Variants in DYM observed in about 807,000 individuals in gnomAD.
The protein encoded by DYM is dymeclin, also known as dyggve-Melchior-Clausen syndrome protein.
DYM carries 78 observed loss-of-function variants against 93.1 expected under a neutral mutation model. The ratio of observed to expected loss-of-function variants is 0.84; its 90% CI spans 0.70 to 1.01. DYM has a LOEUF of 1.01. Ranked by LOEUF, DYM falls within the 50% of genes least tolerant of loss-of-function variation. The pLI is 0.00. For synonymous variants in DYM, 321 were observed against 319.7 expected (o/e 1.00, Z -0.04); for missense variants, 789 against 845.0 (o/e 0.93, Z 0.82).
chr18:49,188,442 G>A (rs1431941549), intron 14 of DYM, among the ~76,000 whole-genome samples: 1 of 152,148 alleles, frequency 6.6e-6, no homozygotes, highest in Non-Finnish European at 1.5e-5. Flanking sequence ...GGGCCTCTAA[G>A]ATCTGGCTGT....
intron 17 of DYM, among the ~76,000 whole-genome samples, chr18:49,052,697 C>T (rs1053140884): frequency 1.3e-5 from 2 of 152,242 alleles, no homozygotes; most frequent in African/African-American, 4.8e-5. Flanking sequence ...CTCCGACATC[C>T]GTCTGGCTCT....
rs774950480 is a variant in DYM at position 49,163,755 on chromosome 18, T to C, written c.1658A>G (p.Lys553Arg). Residue 553 changes from lysine (K) to arginine (R), a missense_variant, in exon 15 of 18, where the codon AAA becomes AGA. By Grantham distance (26) the Lys-to-Arg change is conservative (BLOSUM62 2). Transcript: ENST00000675505. Reference sequence around the variant, plus strand: ...GGACTGTGTGGCTTGTTCCAGAACTTTGTTGTGTTTTTTAGACAGCAAAGA... The same window carrying C: ...GGACTGTGTGGCTTGTTCCAGAACTCTGTTGTGTTTTTTAGACAGCAAAGA... ...LFSLLSKKHN[K>R]VLEQATQSLR... 1 of 1,612,154 alleles carries C rather than the reference T, an allele frequency of 6.2e-7. No homozygotes were observed. Among genetic ancestry groups the C allele is most frequent in the Non-Finnish European group, 8.5e-7 (1 of 1,178,924 alleles).
chr18:49,058,583 G>A (rs964015085), intron 17 of DYM, among the ~76,000 whole-genome samples: 2 of 152,006 alleles, frequency 1.3e-5, no homozygotes, highest in Non-Finnish European at 2.9e-5. Context: ...AAAGTGCTTG[G>A]GTTACAGGTG....
At chr18:49,396,869 T>TC (rs2070161259) in intron 2 of DYM, among the ~76,000 whole-genome samples, 1 of 152,130 alleles carries the variant, frequency 6.6e-6, no homozygotes, top group Non-Finnish European at 1.5e-5. Flanking sequence ...AAAAAGTTGA[T>TC]CCCATAGAGA....
intron 6 of DYM, among the ~76,000 whole-genome samples, chr18:49,335,260 A>C (rs1306619130): frequency 6.6e-6 from 1 of 152,190 alleles, no homozygotes; most frequent in South Asian, 2.1e-4. Flanking sequence ...TTGTAGAACA[A>C]TCTCTTTCCT....
intron 8 of DYM, among the ~76,000 whole-genome samples, chr18:49,287,830 A>G (rs2059766909): frequency 3.0e-4 from 1 of 3,282 alleles, no homozygotes; most frequent in Non-Finnish European, 1.2e-3. Flanking sequence ...CTCCGTCTCA[A>G]AAAAAAAAAA....
rs572273315 is a variant in DYM, at chr18:49,043,713, G to A, written c.*342C>T. On this transcript the variant is annotated 3_prime_UTR_variant, in exon 18 of 18. Transcript: ENST00000675505. ...CACTGTTGAATAGTGTGCACTGTTG[G>A]ATAGTGTGCACTGTTGAAGTGTGAT... 1 of 338,274 alleles carries A rather than the reference G, an allele frequency of 3.0e-6. No homozygotes were observed. Among genetic ancestry groups the A allele is most frequent in the African/African-American group, 2.1e-5 (1 of 47,316 alleles). The allele number at this position is 338,274 out of a possible 1,614,324, so 21.0% of individuals were successfully genotyped here.
intron 8 of DYM, among the ~76,000 whole-genome samples, chr18:49,324,138 CAAAAAAAAAAAAAAAAA>C (rs59640889): frequency 3.7e-4 from 20 of 54,442 alleles, no homozygotes; most frequent in Middle Eastern, 0.043. Context: ...GGCTCTGTCT[CAAAAAAAAAAAAAAAAA>C]AAAAAAAAAA....
At position 49,209,659 on chromosome 18, in the gene DYM, G is replaced by A. The variant is rs150348470; in HGVS notation, c.1517C>T (p.Pro506Leu). Residue 506 changes from proline (P) to leucine (L), a missense_variant, in exon 14 of 18, where the codon CCC (proline) becomes CTC (leucine). Physicochemically the swap from Pro to Leu is moderately conservative, Grantham distance 98. This residue lies in a region of DYM where 225 missense variants were observed against 303.0 expected (regional missense o/e 0.74). Transcript: ENST00000675505. ...CTGAAGCGTAGAACAGTGAGAGTGG[G>A]GGAAATACAGTTTGTCCAACACATA... ...YVYVLDKLYF[P>L]HSHCSTLQHC... 8,476 of 1,289,348 alleles carry A rather than the reference G, an allele frequency of 6.6e-3. 43 individuals carry two copies. The highest frequency in any genetic ancestry group is 7.5e-3 in the Non-Finnish European group (7,414 of 988,652). The allele number at this position is 1,289,348 out of a possible 1,614,324, so 79.9% of individuals were successfully genotyped here.
chr18:49,071,211 C>T (rs1229612105), intron 17 of DYM, among the ~76,000 whole-genome samples: 1 of 152,158 alleles, frequency 6.6e-6, no homozygotes, highest in African/African-American at 2.4e-5. Flanking sequence ...ATGGCAGAGG[C>T]TGCTAGAAAC....
chr18:49,447,479 A>T (rs1045167928), intron 1 of DYM: 1 of 152,262 alleles, frequency 6.6e-6, no homozygotes, highest in Non-Finnish European at 1.5e-5. Flanking sequence ...CAACATTCAT[A>T]AGAACGGTAA....
intron 16 of DYM, among the ~76,000 whole-genome samples, chr18:49,108,897 T>C (rs975887623): frequency 6.6e-6 from 1 of 152,236 alleles, no homozygotes; most frequent in African/African-American, 2.4e-5. Flanking sequence ...CTCTGTTGTA[T>C]ACACATTTAT....
At chr18:49,075,258 TGA>T (rs1180656764) in intron 17 of DYM, among the ~76,000 whole-genome samples, 1 of 152,186 alleles carries the variant, frequency 6.6e-6, no homozygotes, top group African/African-American at 2.4e-5. Flanking sequence ...TCCATCAACA[TGA>T]GTCTCAATAC....
chr18:49,128,748 C>T (rs1212276426), intron 15 of DYM, among the ~76,000 whole-genome samples: 1 of 152,080 alleles, frequency 6.6e-6, no homozygotes. Context: ...TTCAGGGTAA[C>T]TTCAAACTTC....
intron 13 of DYM, among the ~76,000 whole-genome samples, chr18:49,230,910 C>CA (rs2093676151): frequency 6.6e-6 from 1 of 151,612 alleles, no homozygotes; most frequent in Non-Finnish European, 1.5e-5. Context: ...AAGTAAAAGG[C>CA]AAAAAAGAGT....
intron 17 of DYM, among the ~76,000 whole-genome samples, chr18:49,095,447 G>GTTTTTTTT (rs202172264): frequency 7.0e-6 from 1 of 142,480 alleles, no homozygotes; most frequent in East Asian, 2.0e-4. Flanking sequence ...TGGTGATAGT[G>GTTTTTTTT]TTTTTTTTTT....
chr18:49,104,566 T>A (rs1030918217), intron 16 of DYM, among the ~76,000 whole-genome samples: 1 of 152,206 alleles, frequency 6.6e-6, no homozygotes, highest in Non-Finnish European at 1.5e-5. Flanking sequence ...AGATAGCTCT[T>A]ATTATTTTGA....
chr18:49,311,342 G>A (rs2146354895), intron 8 of DYM, among the ~76,000 whole-genome samples: 1 of 152,286 alleles, frequency 6.6e-6, no homozygotes, highest in Middle Eastern at 3.4e-3. Flanking sequence ...ACACAATAAA[G>A]TTTTAGCTGT....
intron 8 of DYM, among the ~76,000 whole-genome samples, chr18:49,326,992 C>CGTGTGTGTGTGTGT (rs10584298): frequency 2.1e-5 from 2 of 93,312 alleles, no homozygotes; most frequent in Admixed American, 2.5e-4. Context: ...TTTAAAAAAC[C>CGTGTGTGTGTGTGT]GTGTGTGTGT....
Sources: allele counts gnomAD v4.1 joint callset (sites outside exome capture counted in the v4.1 genomes callset), GRCh38; gene constraint gnomAD v4.1.1; regional missense constraint gnomAD v4.1.1; transcripts MANE v1.5; gene names NCBI Gene and HGNC (gene_info 2026-07-23, HGNC 2026-07-21).